ABCB1: variants seen among roughly 807,000 people sequenced by gnomAD.
The protein encoded by ABCB1 is ATP-dependent translocase ABCB1.
ABCB1 carries 69 observed loss-of-function variants against 142.0 expected under a neutral mutation model. The observed-to-expected ratio is 0.49, with a 90% CI of 0.40 to 0.59. The LOEUF (loss-of-function observed/expected upper bound fraction) is 0.59. Among genes scored for constraint, ABCB1 ranks in the 20% least tolerant of loss-of-function variants. ABCB1 has a pLI of 0.00. For missense variants in ABCB1, 1,326 were observed against 1,554.7 expected, an observed-to-expected ratio of 0.85 and a Z score of 2.47; for synonymous variants, 532 against 539.2, an observed-to-expected ratio of 0.99 and a Z score of 0.18.
chr7:87,556,493 T>C (rs748242461), intron 8 of ABCB1, among the ~76,000 whole-genome samples: 3 of 152,208 alleles, frequency 2.0e-5, no homozygotes, highest in African/African-American at 4.8e-5. Flanking sequence ...AATTACTTTA[T>C]GTAGAAGCAG....
At chr7:87,520,205 G>T (rs1436550715) in intron 22 of ABCB1, among the ~76,000 whole-genome samples, 1 of 150,652 alleles carries the variant, frequency 6.6e-6, no homozygotes. Flanking sequence ...TAGACAAAAA[G>T]GCTCTACCAT....
chr7:87,692,053 C>T (rs528919920), intron 1 of ABCB1, among the ~76,000 whole-genome samples: 2 of 152,214 alleles, frequency 1.3e-5, no homozygotes, highest in African/African-American at 2.4e-5. Context: ...TTACATCCTA[C>T]AAATAAGTGA....
chr7:87,516,482 A>G, intron 24 of ABCB1, 27 bp downstream of exon 24: 2 of 1,614,068 alleles, frequency 1.2e-6, no homozygotes, highest in Non-Finnish European at 1.7e-6. Context: ...TCAGGAGTAG[A>G]TCAAACAGTT....
rs1219195402 is a variant in ABCB1 at position 87,520,875 on chromosome 7, A to T, written c.2687T>A (p.Ile896Asn). Reference protein sequence around the residue: ...DKKELEGSGKIATEAIENFRT... With the variant: ...DKKELEGSGKNATEAIENFRT... Reference sequence around the variant, plus strand: ...GAAGTTTTCTATTGCTTCAGTAGCGATCTGTAACAGACAGCACCGATCACC... The same window carrying T: ...GAAGTTTTCTATTGCTTCAGTAGCGTTCTGTAACAGACAGCACCGATCACC... The change falls in exon 22 of 28, where the codon ATC becomes AAC. Residue 896 changes from isoleucine (I) to asparagine (N), a missense_variant and splice_region_variant. By Grantham distance (149) the Ile-to-Asn change is moderately radical. Coordinates refer to ENST00000622132, the MANE Select transcript of ABCB1 (RefSeq NM_001348946.2). 4 of 1,613,444 alleles carry T rather than the reference A, an allele frequency of 2.5e-6. No homozygotes were observed. The highest frequency in any genetic ancestry group is 2.2e-5 in the South Asian group (2 of 91,074).
chr7:87,699,366 G>A (rs1472250842), intron 1 of ABCB1, among the ~76,000 whole-genome samples: 1 of 152,148 alleles, frequency 6.6e-6, no homozygotes, highest in Non-Finnish European at 1.5e-5. Context: ...AATACTGAGT[G>A]TAGAAAATGT....
At chr7:87,674,148 C>G (rs1826092648) in intron 1 of ABCB1, among the ~76,000 whole-genome samples, 1 of 152,198 alleles carries the variant, frequency 6.6e-6, no homozygotes, top group South Asian at 2.1e-4. Flanking sequence ...GGCCAAACCA[C>G]TTCATCGAGG....
Position 87,519,335 on chromosome 7 carries a change from T to A in ABCB1, c.2918A>T (p.Asp973Val). The A allele has an allele frequency of 1.2e-6, 2 of 1,613,984 alleles. No individual in the cohort carries two copies. The highest frequency in any genetic ancestry group is 1.7e-5 in the Admixed American group (1 of 60,016). The change falls in exon 23 of 28, where the codon GAT becomes GTT. Residue 973 changes from aspartate (D) to valine (V), a missense_variant. Coordinates refer to ENST00000622132, the MANE Select transcript of ABCB1 (RefSeq NM_001348946.2). Reference sequence around the variant, plus strand: ...ATAGCCCAATACTTACAACAGAACATCCTCAAAGCTCATGAGTTTATGTGC... The same window carrying A: ...ATAGCCCAATACTTACAACAGAACAACCTCAAAGCTCATGAGTTTATGTGC... ...LVAHKLMSFE[D>V]VLLVFSAVVF...
chr7:87,579,501 C>T (rs371829508), intron 4 of ABCB1, among the ~76,000 whole-genome samples: 2 of 152,186 alleles, frequency 1.3e-5, no homozygotes, highest in Non-Finnish European at 2.9e-5. Flanking sequence ...GTTGATATGA[C>T]ATATCACATT....
chr7:87,626,405 ATGTGTCATATATATGTGTCATATG>A lies in ABCB1; in HGVS notation c.-330-25351_-330-25328del, dbSNP rs1820544766. Among the ~76,000 whole-genome samples the A allele has an allele frequency of 1.7e-4, 4 of 23,838 alleles. 2 individuals carry two copies. The highest frequency in any genetic ancestry group is 2.3e-4 in the Non-Finnish European group (4 of 17,124). 15.6% of individuals were successfully genotyped at this position (23,838 alleles called of 152,430 possible). A position where few individuals can be genotyped will look rare whatever the true frequency, so the allele number is the denominator to read the frequency against. On this transcript the variant is annotated intron_variant, in intron 1 of 28. Coordinates refer to the ABCB1 transcript ENST00000265724. ...TGTGTCATATATATGTGTCATATGT[ATGTGTCATATATATGTGTCATATG>A]TATGTGTCATATATGTGTCATATAT...
At position 87,509,455 on chromosome 7, in the gene ABCB1, T is replaced by C; in HGVS notation, c.3309A>G (p.Arg1103=). The C allele has an allele frequency of 6.2e-7, 1 of 1,614,174 alleles. No individual in the cohort carries two copies. The highest frequency in any genetic ancestry group is 8.5e-7 in the Non-Finnish European group (1 of 1,180,024). The change falls in exon 26 of 28, where the codon CGA becomes CGG. Residue 1103 remains arginine (R), a synonymous_variant. Coordinates refer to ENST00000622132, the MANE Select transcript of ABCB1 (RefSeq NM_001348946.2). ...KVLLDGKEIK[R]LNVQWLRAHL... ...GTGCTCGGAGCCACTGAACATTCAG[T>C]CGCTTTATTTCTTTGCCATCAAGCA...
intron 1 of ABCB1, among the ~76,000 whole-genome samples, chr7:87,680,854 C>T (rs1826861546): frequency 6.7e-6 from 1 of 149,006 alleles, no homozygotes; most frequent in African/African-American, 2.5e-5. Flanking sequence ...AAAATTAAAC[C>T]CAAAACAAGC....
At chr7:87,658,342 A>G (rs1229980991) in intron 1 of ABCB1, among the ~76,000 whole-genome samples, 3 of 152,204 alleles carry the variant, frequency 2.0e-5, no homozygotes, top group Non-Finnish European at 4.4e-5. Flanking sequence ...GAAATTTCCT[A>G]ATCTGAACAA....
At chr7:87,571,673 AC>A (rs1818063001) in intron 4 of ABCB1, among the ~76,000 whole-genome samples, 1 of 152,186 alleles carries the variant, frequency 6.6e-6, no homozygotes, top group African/African-American at 2.4e-5. Flanking sequence ...AAAAAGAGCT[AC>A]CCTGGTCAGA....
intron 6 of ABCB1, 94 bp from the exon 7 acceptor site, chr7:87,566,335 T>C (rs1817781199): frequency 7.8e-7 from 1 of 1,277,140 alleles, no homozygotes; most frequent in Non-Finnish European, 1.1e-6. Context: ...AGTTTATGGC[T>C]AGAGTATTTT....
chr7:87,590,918 A>C (rs1331490521), intron 3 of ABCB1, among the ~76,000 whole-genome samples: 5 of 152,216 alleles, frequency 3.3e-5, no homozygotes, highest in African/African-American at 9.7e-5. Context: ...AGAGCAGTTG[A>C]GAGAGTAAAG....
intron 1 of ABCB1, among the ~76,000 whole-genome samples, chr7:87,673,926 A>C (rs1585064081): frequency 6.6e-6 from 1 of 152,056 alleles, no homozygotes; most frequent in Non-Finnish European, 1.5e-5. Flanking sequence ...TGATTGTGAT[A>C]TAAGGTAGGT....
intron 1 of ABCB1, among the ~76,000 whole-genome samples, chr7:87,637,257 T>G (rs1223474339): frequency 3.3e-5 from 5 of 152,262 alleles, no homozygotes; most frequent in African/African-American, 9.6e-5. Context: ...GGTCTGTTTC[T>G]AGACTTTCTT....
intron 9 of ABCB1, among the ~76,000 whole-genome samples, chr7:87,551,350 T>A (rs1175172941): frequency 1.3e-5 from 2 of 152,188 alleles, no homozygotes; most frequent in African/African-American, 4.8e-5. Context: ...CCTCAAAAGG[T>A]GTCAAGTGAG....
chr7:87,548,028 G>T (rs1816863474), intron 14 of ABCB1, among the ~76,000 whole-genome samples: 1 of 145,246 alleles, frequency 6.9e-6, no homozygotes, highest in South Asian at 2.2e-4. Context: ...GAAAAGAAAA[G>T]ATAAGATAAG....
Sources: allele counts gnomAD v4.1 joint callset (sites outside exome capture counted in the v4.1 genomes callset), GRCh38; gene constraint gnomAD v4.1.1; transcripts MANE v1.5; gene names NCBI Gene and HGNC (gene_info 2026-07-23, HGNC 2026-07-21).